Variants in NFAT5 observed in about 807,000 individuals in gnomAD.
The protein encoded by NFAT5 is nuclear factor of activated T cells 5.
A neutral mutation model predicts 166.5 loss-of-function variants in NFAT5; 31 were observed. That is an observed-to-expected ratio of 0.19 (90% CI 0.14 to 0.25). The LOEUF is 0.25. Among genes scored for constraint, NFAT5 ranks in the 10% least tolerant of loss-of-function variants. The pLI is 1.00. For missense variants in NFAT5, 1,449 were observed against 1,821.8 expected (o/e 0.80, Z 3.72); for synonymous variants, 612 against 639.7 (o/e 0.96, Z 0.65).
At chr16:69,593,304 T>C (rs2032583732) in intron 2 of NFAT5, among the ~76,000 whole-genome samples, 1 of 152,132 alleles carries the variant, frequency 6.6e-6, no homozygotes, top group Admixed American at 6.6e-5. Context: ...ATAACTTTAC[T>C]TGTGGTATTG....
chr16:69,579,925 T>C (rs138501666), intron 2 of NFAT5, among the ~76,000 whole-genome samples: 2,041 of 152,276 alleles, frequency 0.013, 23 homozygotes, highest in Non-Finnish European at 0.021. Flanking sequence ...GATGAGTTAA[T>C]ATTTCTAAAG....
chr16:69,569,645 A>G (rs192363293), intron 2 of NFAT5, among the ~76,000 whole-genome samples: 19 of 152,326 alleles, frequency 1.2e-4, no homozygotes, highest in African/African-American at 4.6e-4. Flanking sequence ...GTTAAAATGT[A>G]GCTGTCTCTT....
intron 2 of NFAT5, among the ~76,000 whole-genome samples, chr16:69,582,800 GCCTT>G (rs1220894403): frequency 6.6e-6 from 1 of 151,378 alleles, no homozygotes; most frequent in African/African-American, 2.4e-5. Flanking sequence ...GGAAGCGTGA[GCCTT>G]CCAACTTTTT....
chr16:69,699,898 A>G lies in NFAT5; in HGVS notation c.*3547A>G, dbSNP rs531538561. The G allele has an allele frequency of 6.6e-6, 1 of 151,784 alleles. No individual in the cohort carries two copies. Among genetic ancestry groups the G allele is most frequent in the Non-Finnish European group, 1.5e-5 (1 of 67,910 alleles). 9.4% of individuals were successfully genotyped at this position (151,784 alleles called of 1,614,324 possible). On this transcript the variant is annotated 3_prime_UTR_variant, in exon 15 of 15. Coordinates refer to ENST00000349945, the MANE Select transcript of NFAT5 (RefSeq NM_138713.4). ...TGTTTCCTTATTGTCATTCCATTAT[A>G]TATCCACACCAACATGGGTGACGAT...
chr16:69,635,448 A>G (rs1461224378), intron 3 of NFAT5, among the ~76,000 whole-genome samples: 4 of 152,028 alleles, frequency 2.6e-5, no homozygotes, highest in South Asian at 4.2e-4. Context: ...AGATGTATAT[A>G]TATGTGGGCC....
At chr16:69,609,897 T>C (rs1359016820) in intron 2 of NFAT5, among the ~76,000 whole-genome samples, 1 of 151,136 alleles carries the variant, frequency 6.6e-6, no homozygotes, top group Non-Finnish European at 1.5e-5. Flanking sequence ...CCCAGCATAC[T>C]TGGGACATTG....
At chr16:69,651,331 G>T (rs1597471890) in intron 4 of NFAT5, among the ~76,000 whole-genome samples, 1 of 152,190 alleles carries the variant, frequency 6.6e-6, no homozygotes, top group African/African-American at 2.4e-5. Flanking sequence ...TCCTATGCTA[G>T]TTTCATTCCT....
intron 2 of NFAT5, among the ~76,000 whole-genome samples, chr16:69,573,522 A>T (rs998669814): frequency 6.6e-6 from 1 of 152,182 alleles, no homozygotes; most frequent in Non-Finnish European, 1.5e-5. Flanking sequence ...CTGTGGATCC[A>T]TGTCTAGTAA....
chr16:69,617,134 G>A (rs2033988853), intron 2 of NFAT5, among the ~76,000 whole-genome samples: 1 of 151,884 alleles, frequency 6.6e-6, no homozygotes, highest in South Asian at 2.1e-4. Context: ...AGTAGAGATG[G>A]AGTTTCACCG....
intron 2 of NFAT5, among the ~76,000 whole-genome samples, chr16:69,615,587 T>C (rs767201783): frequency 6.6e-6 from 1 of 152,180 alleles, no homozygotes; most frequent in Non-Finnish European, 1.5e-5. Context: ...TATACACATT[T>C]ATACCTATAT....
intron 3 of NFAT5, among the ~76,000 whole-genome samples, chr16:69,639,911 A>G (rs1186476932): frequency 6.6e-6 from 1 of 152,212 alleles, no homozygotes; most frequent in Non-Finnish European, 1.5e-5. Context: ...AAATTTCCCC[A>G]CATGCATTCA....
rs945918292 is a variant in NFAT5, at chr16:69,588,980, CTTTTTTTTTTTTTTT to C, written c.127+20449_127+20463del. Among the ~76,000 whole-genome samples, 45 of 34,372 alleles carry C rather than the reference CTTTTTTTTTTTTTTT, an allele frequency of 1.3e-3. 1 individual carries two copies. The highest frequency in any genetic ancestry group is 2.4e-3 in the African/African-American group (28 of 11,580). 22.5% of individuals were successfully genotyped at this position (34,372 alleles called of 152,430 possible). ...GACCCTCCCTCCTCTTTTCCTACTT[CTTTTTTTTTTTTTTT>C]TTTTTTTTTTTTTTTTGAGATGGAG... On this transcript the variant is annotated intron_variant, in intron 2 of 14. Coordinates refer to ENST00000349945, the MANE Select transcript of NFAT5 (RefSeq NM_138713.4).
chr16:69,621,415 CTCTCTCACTT>C (rs1232613724), intron 2 of NFAT5, among the ~76,000 whole-genome samples: 3 of 152,170 alleles, frequency 2.0e-5, no homozygotes, highest in Non-Finnish European at 2.9e-5. Context: ...CATATCCCTT[CTCTCTCACTT>C]TCTCTCACTC....
intron 2 of NFAT5, among the ~76,000 whole-genome samples, chr16:69,620,594 G>T (rs2034154580): frequency 6.6e-6 from 1 of 152,074 alleles, no homozygotes; most frequent in Admixed American, 6.5e-5. Flanking sequence ...AGGTAACTGA[G>T]CATGTCTGAG....
At chr16:69,682,185 A>G (rs1296069701) in intron 10 of NFAT5, among the ~76,000 whole-genome samples, 1 of 129,844 alleles carries the variant, frequency 7.7e-6, no homozygotes, top group Admixed American at 8.3e-5. Context: ...AAAACATTTT[A>G]ATTTTTTTTT....
In NFAT5 at chr16:69,692,691, A is replaced by G. The variant is rs1187678352; in HGVS notation, c.2866A>G (p.Met956Val). 30 of 1,614,132 alleles carry G rather than the reference A, an allele frequency of 1.9e-5. No individual in the cohort carries two copies. Among genetic ancestry groups the G allele is most frequent in the Non-Finnish European group, 2.5e-5 (30 of 1,180,044 alleles). ...QSPVYQQTSHMMSALSTNEDM... is the reference protein window; with the variant it reads ...QSPVYQQTSHVMSALSTNEDM... Reference sequence around the variant, plus strand: ...GCCAGTTTACCAGCAGACTTCTCACATGATGAGTGCATTGTCTACCAATGA... The same window carrying G: ...GCCAGTTTACCAGCAGACTTCTCACGTGATGAGTGCATTGTCTACCAATGA... The change falls in exon 13 of 15, where the codon ATG (methionine) becomes GTG (valine). Residue 956 changes from methionine to valine, a missense_variant. Transcript: ENST00000349945.
chr16:69,640,973 C>T (rs1275087134), intron 3 of NFAT5, among the ~76,000 whole-genome samples: 1 of 147,306 alleles, frequency 6.8e-6, no homozygotes, highest in Non-Finnish European at 1.5e-5. Context: ...AGGAGCGAAA[C>T]TCCATCTCAA....
At position 69,568,346 on chromosome 16, in the gene NFAT5, A is replaced by ATATATGTG. The variant is rs1190306661; in HGVS notation, c.74-148_74-147insATATGTGT. On this transcript the variant is annotated intron_variant, in intron 1 of 14. Coordinates refer to ENST00000349945, the MANE Select transcript of NFAT5 (RefSeq NM_138713.4). ...AAAATGTATGTGTGTATATATATAT[A>ATATATGTG]TGTGTGTGTGTGTGTGTGTGTGTGT... 4.4e-4 allele frequency: 80 copies of ATATATGTG among 180,654 alleles called. 1 individual carries two copies. Among genetic ancestry groups the ATATATGTG allele is most frequent in the African/African-American group, 2.1e-3 (64 of 30,886 alleles). 11.2% of individuals were successfully genotyped at this position (180,654 alleles called of 1,614,324 possible).
chr16:69,653,091 A>G (rs2035742276), intron 4 of NFAT5, 145 bp from the exon 5 acceptor site: 1 of 543,864 alleles, frequency 1.8e-6, no homozygotes, highest in Admixed American at 4.1e-5. Context: ...ATCTTCCTTT[A>G]GGCAATATTT....
Sources: allele counts gnomAD v4.1 joint callset (sites outside exome capture counted in the v4.1 genomes callset), GRCh38; gene constraint gnomAD v4.1.1; transcripts MANE v1.5; gene names NCBI Gene and HGNC (gene_info 2026-07-23, HGNC 2026-07-21).